The following CSRP2 variants were observed in gnomAD, a reference collection of about 807,000 sequenced individuals.
The protein encoded by CSRP2 is cysteine and glycine-rich protein 2.
CSRP2 carries 18 observed loss-of-function variants against 24.6 expected under a neutral mutation model. That is an observed-to-expected ratio of 0.73 (90% CI 0.51 to 1.09). The LOEUF (loss-of-function observed/expected upper bound fraction) is 1.09, where lower values mean the gene tolerates loss of function less well. Among genes scored for constraint, CSRP2 ranks in the 50% least tolerant of loss-of-function variants. CSRP2 has a pLI of 0.00. For missense variants in CSRP2, 215 were observed against 239.4 expected (o/e 0.90, Z 0.67); for synonymous variants, 87 against 84.3 (o/e 1.03, Z -0.18).
chr12:76,862,579 C>A, intron 3 of CSRP2: 1 of 445,928 alleles, frequency 2.2e-6, no homozygotes, highest in African/African-American at 2.0e-5. Flanking sequence ...GAATTCTAAA[C>A]AAATAAGTTA....
chr12:76,872,095 G>T (rs1487868132), intron 1 of CSRP2, among the ~76,000 whole-genome samples: 2 of 152,176 alleles, frequency 1.3e-5, no homozygotes, highest in East Asian at 3.9e-4. Context: ...ATAAAATAGG[G>T]CAAATTCTGT....
chr12:76,863,138 A>C (rs1486399625), intron 3 of CSRP2, 38 bp downstream of exon 3: 1 of 1,581,850 alleles, frequency 6.3e-7, no homozygotes, highest in Non-Finnish European at 8.6e-7. Flanking sequence ...AACTGTCGCA[A>C]CTCATTTCTG....
chr12:76,874,086 T>C (rs1953828305), intron 1 of CSRP2, among the ~76,000 whole-genome samples: 1 of 152,154 alleles, frequency 6.6e-6, no homozygotes, highest in Non-Finnish European at 1.5e-5. Flanking sequence ...ATATAATAAA[T>C]GACACAGAGG....
chr12:76,870,269 C>G (rs1290800662), intron 1 of CSRP2, among the ~76,000 whole-genome samples: 1 of 152,226 alleles, frequency 6.6e-6, no homozygotes, highest in Non-Finnish European at 1.5e-5. Context: ...TTGAATAACA[C>G]TTAAAAATAC....
chr12:76,878,663 T>C (rs1953875795), intron 1 of CSRP2, among the ~76,000 whole-genome samples: 1 of 152,100 alleles, frequency 6.6e-6, no homozygotes, highest in Non-Finnish European at 1.5e-5. Flanking sequence ...CATATAAGAT[T>C]ATTTACCTGC....
chr12:76,859,009 A>C lies in CSRP2; in HGVS notation c.525T>G (p.Phe175Leu). The C allele has an allele frequency of 1.9e-6, 3 of 1,614,210 alleles. No homozygotes were observed. Among genetic ancestry groups the C allele is most frequent in the Non-Finnish European group, 2.5e-6 (3 of 1,180,016 alleles). ...IYCKGCYAKN[F>L]GPKGFGYGQG... ...GGCCATAGCCAAATCCCTTGGGCCCAAAGTTCTTTGCATAGCATCCTACAA... is the reference window on the plus strand; with the variant it reads ...GGCCATAGCCAAATCCCTTGGGCCCCAAGTTCTTTGCATAGCATCCTACAA... The change falls in exon 6 of 6, where the codon TTT becomes TTG. Residue 175 changes from phenylalanine to leucine, a missense_variant. Physicochemically the swap from Phe to Leu is conservative, Grantham distance 22. Coordinates refer to ENST00000311083, the MANE Select transcript of CSRP2 (RefSeq NM_001321.3).
chr12:76,864,535 T>C (rs1346365612), intron 2 of CSRP2: 1 of 152,224 alleles, frequency 6.6e-6, no homozygotes, highest in Admixed American at 6.5e-5. Flanking sequence ...CCATTTAAGA[T>C]GATGTGATTA....
chr12:76,862,777 G>A, intron 3 of CSRP2: 1 of 1,394,998 alleles, frequency 7.2e-7, no homozygotes, highest in East Asian at 2.7e-5. Flanking sequence ...TTACATAGAA[G>A]GAGTGACTTA....
Position 76,858,809 on chromosome 12 carries a change from G to T in CSRP2, c.*143C>A, listed in dbSNP as rs1196724772. 1.5e-6 allele frequency: 1 copy of T among 666,140 alleles called. No homozygotes were observed. Among genetic ancestry groups the T allele is most frequent in the Non-Finnish European group, 2.6e-6 (1 of 380,272 alleles). 41.3% of individuals were successfully genotyped at this position (666,140 alleles called of 1,614,324 possible). A position where few individuals can be genotyped will look rare whatever the true frequency, so the allele number is the denominator to read the frequency against. Reference sequence around the variant, plus strand: ...ATACCATACAGTGCTCTCTTCCTACGAGTTAGCCAGCCTATCCAAGTACAG... The same window carrying T: ...ATACCATACAGTGCTCTCTTCCTACTAGTTAGCCAGCCTATCCAAGTACAG... On this transcript the variant is annotated 3_prime_UTR_variant, in exon 6 of 6. Coordinates refer to ENST00000311083, the MANE Select transcript of CSRP2 (RefSeq NM_001321.3).
intron 1 of CSRP2, chr12:76,878,228 A>C (rs1445766828): frequency 1.3e-5 from 2 of 152,214 alleles, no homozygotes; most frequent in African/African-American, 2.4e-5. Flanking sequence ...CCTGTCGCAT[A>C]ATTTCACAAC....
At chr12:76,871,845 G>C (rs1953803796) in intron 1 of CSRP2, among the ~76,000 whole-genome samples, 1 of 151,470 alleles carries the variant, frequency 6.6e-6, no homozygotes, top group Non-Finnish European at 1.5e-5. Flanking sequence ...CCTGAATTTG[G>C]CTGGAAGAAG....
intron 2 of CSRP2, chr12:76,865,728 G>A (rs762786): frequency 0.59 from 93,417 of 157,328 alleles, 27,848 homozygotes; most frequent in East Asian, 0.67. Context: ...TTTTAAAACC[G>A]AAGACTTTGT....
chr12:76,869,926 C>A (rs1021304507), intron 1 of CSRP2, among the ~76,000 whole-genome samples: 1 of 152,196 alleles, frequency 6.6e-6, no homozygotes, highest in Non-Finnish European at 1.5e-5. Context: ...ACTGACCTTG[C>A]CCCTTGCCTC....
rs1337495047 is a variant in CSRP2, at chr12:76,860,406, G to T, written c.289C>A (p.Pro97Thr). Residue 97 changes from proline (P) to threonine (T), a missense_variant, in exon 4 of 6, where the codon CCT becomes ACT. Physicochemically the swap from Pro to Thr is conservative, Grantham distance 38. Transcript: ENST00000311083. Reference protein sequence around the residue: ...RLGIKPESVQPHRPTTNPNTS... With the variant: ...RLGIKPESVQTHRPTTNPNTS... Reference sequence around the variant, plus strand: ...TTTGGATTTGTTGTAGGCCTGTGAGGCTGAACACTTGTGAAAAGAGGAAAA... The same window carrying T: ...TTTGGATTTGTTGTAGGCCTGTGAGTCTGAACACTTGTGAAAAGAGGAAAA... 1 of 1,608,670 alleles carries T rather than the reference G, an allele frequency of 6.2e-7. No individual in the cohort carries two copies. The highest frequency in any genetic ancestry group is 2.2e-5 in the East Asian group (1 of 44,572).
At chr12:76,874,588 G>A (rs1004803239) in intron 1 of CSRP2, among the ~76,000 whole-genome samples, 2 of 152,170 alleles carry the variant, frequency 1.3e-5, no homozygotes, top group African/African-American at 4.8e-5. Flanking sequence ...AGTTCAGTCC[G>A]TTAGGTCAAG....
chr12:76,868,876 T>C (rs977136999), intron 1 of CSRP2, among the ~76,000 whole-genome samples: 4 of 145,694 alleles, frequency 2.7e-5, no homozygotes, highest in Non-Finnish European at 4.5e-5. Flanking sequence ...GAGCTTGCAG[T>C]GAGCCGAGAT....
intron 1 of CSRP2, among the ~76,000 whole-genome samples, chr12:76,868,900 G>T (rs1200249832): frequency 4.0e-5 from 6 of 148,492 alleles, no homozygotes; most frequent in African/African-American, 1.0e-4. Flanking sequence ...GCCACTGCAC[G>T]CCAGCCTGGG....
intron 3 of CSRP2, chr12:76,860,637 A>T: frequency 2.4e-6 from 1 of 413,814 alleles, no homozygotes; most frequent in South Asian, 5.4e-5. Flanking sequence ...TCAAAAAACC[A>T]GATAGGGACC....
chr12:76,877,611 GAAAACTACAAT>G (rs1398105494), intron 1 of CSRP2, among the ~76,000 whole-genome samples: 6 of 152,196 alleles, frequency 3.9e-5, no homozygotes, highest in Non-Finnish European at 8.8e-5. Context: ...AAAGAGCAAA[GAAAACTACAAT>G]GCAGAGGAGA....
Sources: allele counts gnomAD v4.1 joint callset (sites outside exome capture counted in the v4.1 genomes callset), GRCh38; gene constraint gnomAD v4.1.1; transcripts MANE v1.5; gene names NCBI Gene and HGNC (gene_info 2026-07-23, HGNC 2026-07-21).